The following PCNX2 variants were observed in gnomAD, a reference collection of about 807,000 sequenced individuals.
PCNX2 encodes pecanex-like protein 2.
In PCNX2, 168 loss-of-function variants were observed where a neutral mutation model predicts 223.8. That is an observed-to-expected ratio of 0.75 (90% CI 0.66 to 0.85). The LOEUF (loss-of-function observed/expected upper bound fraction) is 0.85. Ranked by LOEUF, PCNX2 falls within the 40% of genes least tolerant of loss-of-function variation. The pLI, the probability that PCNX2 is intolerant of heterozygous loss-of-function variation, is 0.00. For synonymous variants in PCNX2, 1,006 were observed against 1,052.6 expected (o/e 0.96, Z 0.86); for missense variants, 2,507 against 2,675.5 (o/e 0.94, Z 1.39).
rs1026689831 is a variant in PCNX2, at chr1:233,117,806, C to T, written c.3837+17207G>A. Among the ~76,000 whole-genome samples, 5 of 151,508 alleles carry T rather than the reference C, an allele frequency of 3.3e-5. No homozygotes were observed. The East Asian group carries it at 9.8e-4, about 30-fold the overall frequency. On this transcript the variant is annotated intron_variant, in intron 21 of 33. Coordinates refer to ENST00000258229, the MANE Select transcript of PCNX2 (RefSeq NM_014801.4). ...CGGGCGGATCACGAGGTCAGGAGAT[C>T]GAGACCATCCCGGCTAAAACGGTGA...
At chr1:233,231,559 G>A (rs998697952) in intron 9 of PCNX2, 2 of 855,240 alleles carry the variant, frequency 2.3e-6, no homozygotes, top group African/African-American at 1.8e-5. Context: ...TGTTTTCTTG[G>A]GGGGTGGATA....
chr1:233,067,012 G>A (rs1007723071), intron 23 of PCNX2, among the ~76,000 whole-genome samples: 1 of 151,996 alleles, frequency 6.6e-6, no homozygotes, highest in Non-Finnish European at 1.5e-5. Flanking sequence ...CCCATCTCAA[G>A]AGTCAATAGA....
intron 17 of PCNX2, among the ~76,000 whole-genome samples, chr1:233,170,011 G>A (rs772876645): frequency 5.9e-5 from 9 of 152,148 alleles, no homozygotes; most frequent in Admixed American, 2.0e-4. Flanking sequence ...TCAACATTAC[G>A]TGGTTAAGAT....
At chr1:233,244,961 T>G (rs1194949285) in intron 8 of PCNX2, among the ~76,000 whole-genome samples, 1 of 152,212 alleles carries the variant, frequency 6.6e-6, no homozygotes, top group African/African-American at 2.4e-5. Flanking sequence ...TTGAGGTCGT[T>G]TTGATAATCC....
chr1:233,250,731 C>T lies in PCNX2; in HGVS notation c.2222+8G>A, dbSNP rs768285286. ...AGCTCTCAAGCCTGGAAACAAAGCT[C>T]CACTCACCGAGCCTGAGAGAGACAG... On this transcript the variant is annotated splice_region_variant and intron_variant, in intron 8 of 33. Transcript: ENST00000258229. 6.3e-7 allele frequency: 1 copy of T among 1,596,422 alleles called. No individual in the cohort carries two copies. The highest frequency in any genetic ancestry group is 1.2e-5 in the South Asian group (1 of 86,692).
rs1476129692 is a variant in PCNX2, at chr1:233,295,518, C to G, written c.-40G>C. The G allele has an allele frequency of 6.7e-7, 1 of 1,483,074 alleles. No homozygotes were observed. The highest frequency in any genetic ancestry group is 9.0e-7 in the Non-Finnish European group (1 of 1,116,554). The allele number at this position is 1,483,074 out of a possible 1,614,324, so 91.9% of individuals were successfully genotyped here. A position where few individuals can be genotyped will look rare whatever the true frequency, so the allele number is the denominator to read the frequency against. On this transcript the variant is annotated 5_prime_UTR_variant, in exon 1 of 34. Coordinates refer to ENST00000258229, the MANE Select transcript of PCNX2 (RefSeq NM_014801.4). The surrounding 1 kb of genome is among the most constrained non-coding windows in gnomAD (Gnocchi z 4.1). ...GGGGCTGGTGAGCGCCCCGCTGCAC[C>G]CTGCGCGCCCCGGCCGGATCTCCAG...
intron 21 of PCNX2, among the ~76,000 whole-genome samples, chr1:233,103,114 C>A (rs748079612): frequency 2.0e-5 from 3 of 151,868 alleles, no homozygotes; most frequent in African/African-American, 7.2e-5. Flanking sequence ...GTTTTTCCAG[C>A]ATCATTTATA....
chr1:233,161,958 TTTTA>T (rs1678508113), intron 17 of PCNX2, among the ~76,000 whole-genome samples: 1 of 144,864 alleles, frequency 6.9e-6, no homozygotes, highest in Admixed American at 6.9e-5. Context: ...CAAAATTATT[TTTTA>T]TATATATATA....
At chr1:233,222,085 C>A (rs756956789) in intron 10 of PCNX2, among the ~76,000 whole-genome samples, 1 of 151,932 alleles carries the variant, frequency 6.6e-6, no homozygotes, top group Non-Finnish European at 1.5e-5. Context: ...TAGAACCAGG[C>A]GAGAGAAAAG....
At chr1:233,118,491 CAAAA>C (rs35378781) in intron 21 of PCNX2, among the ~76,000 whole-genome samples, 1 of 94,438 alleles carries the variant, frequency 1.1e-5, no homozygotes, top group Non-Finnish European at 2.1e-5. Flanking sequence ...AAGGCACCTA[CAAAA>C]AAAAAAAAAA....
At chr1:233,045,543 C>T (rs1460483012) in intron 25 of PCNX2, among the ~76,000 whole-genome samples, 1 of 152,178 alleles carries the variant, frequency 6.6e-6, no homozygotes, top group Non-Finnish European at 1.5e-5. Context: ...TTCAATTAAT[C>T]TACCCATTTT....
chr1:233,294,368 T>C (rs1405342198), intron 1 of PCNX2, among the ~76,000 whole-genome samples: 1 of 152,098 alleles, frequency 6.6e-6, no homozygotes, highest in Non-Finnish European at 1.5e-5. Context: ...GACCCAAAAT[T>C]TAACCTAGGC....
At chr1:233,208,746 G>A (rs7523785) in intron 12 of PCNX2, 57 bp from the exon 13 acceptor site, 43,970 of 1,347,194 alleles carry the variant, frequency 0.033, 1,558 homozygotes, top group African/African-American at 0.19. Flanking sequence ...AATGAAAAAA[G>A]CCTCATAGTC....
chr1:233,039,544 C>T (rs907676924), intron 25 of PCNX2, among the ~76,000 whole-genome samples: 7 of 152,098 alleles, frequency 4.6e-5, no homozygotes, highest in Admixed American at 2.0e-4. Flanking sequence ...CTAATCCAAC[C>T]AATATTTACT....
chr1:233,178,701 A>T (rs1679625153), intron 16 of PCNX2, among the ~76,000 whole-genome samples: 1 of 152,128 alleles, frequency 6.6e-6, no homozygotes, highest in Non-Finnish European at 1.5e-5. Flanking sequence ...AAAGGCAGGG[A>T]TGTAGTTAAT....
chr1:233,164,772 A>G (rs1207952050), intron 17 of PCNX2, among the ~76,000 whole-genome samples: 2 of 152,138 alleles, frequency 1.3e-5, no homozygotes, highest in African/African-American at 4.8e-5. Context: ...GTGAAATAAG[A>G]CAGGCACAGA....
chr1:233,308,136 A>G, the PCNX2 span, among the ~76,000 whole-genome samples: 1 of 152,220 alleles, frequency 6.6e-6, no homozygotes, highest in African/African-American at 2.4e-5. Context: ...TGAAGAAATG[A>G]TATAACTAAC....
Position 233,179,097 on chromosome 1 carries a change from T to C in PCNX2, c.3145A>G (p.Ser1049Gly), listed in dbSNP as rs749472652. 1 of 1,613,604 alleles carries C rather than the reference T, an allele frequency of 6.2e-7. No homozygotes were observed. The highest frequency in any genetic ancestry group is 1.3e-5 in the African/African-American group (1 of 74,868). The change falls in exon 16 of 34, where the codon AGC (serine) becomes GGC (glycine). Residue 1049 changes from serine (S) to glycine (G), a missense_variant. By Grantham distance (56) the Ser-to-Gly change is moderately conservative. This residue lies in a region of PCNX2 where 1,372 missense variants were observed against 1,509.4 expected (regional missense o/e 0.91). Coordinates refer to ENST00000258229, the MANE Select transcript of PCNX2 (RefSeq NM_014801.4). ...GLLVALSYHLSRQSSDPSVLM... is the reference protein window; with the variant it reads ...GLLVALSYHLGRQSSDPSVLM... Reference sequence around the variant, plus strand: ...ACAGATGGGTCACTGCTCTGACGGCTCAGATGGTAAGAAAGGGCGACCAAG... The same window carrying C: ...ACAGATGGGTCACTGCTCTGACGGCCCAGATGGTAAGAAAGGGCGACCAAG...
At chr1:233,241,110 G>T in intron 8 of PCNX2, 1 of 907,134 alleles carries the variant, frequency 1.1e-6, no homozygotes, top group Non-Finnish European at 1.3e-6. Context: ...AACTAAAGCA[G>T]CACTGTTCTG....
Sources: gnomAD v4.1 joint callset for allele counts (sites outside exome capture counted in the v4.1 genomes callset) on GRCh38, gnomAD v4.1.1 for gene constraint, gnomAD v4.1.1 regional missense constraint, Gnocchi (gnomAD v3.1) non-coding constraint, MANE v1.5 for transcripts, NCBI Gene and HGNC (gene_info 2026-07-23, HGNC 2026-07-21) for gene names.